The following MYL3 variants were observed in gnomAD, a reference collection of about 807,000 sequenced individuals.
The protein encoded by MYL3 is CMLC1.
A neutral mutation model predicts 21.3 loss-of-function variants in MYL3; 11 were observed. That is an observed-to-expected ratio of 0.52 (90% confidence interval 0.32 to 0.85). MYL3 has a LOEUF of 0.85. MYL3 is among the 40% of genes least tolerant of loss of function. The pLI is 0.03. For missense variants in MYL3, 206 were observed against 253.3 expected, an observed-to-expected ratio of 0.81 and a Z score of 1.27; for synonymous variants, 88 against 91.6, an observed-to-expected ratio of 0.96 and a Z score of 0.22.
intron 1 of MYL3, among the ~76,000 whole-genome samples, chr3:46,862,026 G>A (rs1183335819): frequency 1.3e-5 from 2 of 152,240 alleles, no homozygotes; most frequent in African/African-American, 2.4e-5. Context: ...AGCCTACTGA[G>A]ATTAGGGTCT....
intron 6 of MYL3, 27 bp from the exon 7 acceptor site, chr3:46,858,128 AGAG>A (rs1701949361): frequency 2.2e-6 from 3 of 1,339,464 alleles, no homozygotes; most frequent in Non-Finnish European, 3.2e-6. Flanking sequence ...TGCAGATTAC[AGAG>A]GAGGAGGGAG....
At chr3:46,868,308 A>G (rs1014935402), upstream of MYL3, among the ~76,000 whole-genome samples, 5 of 152,150 alleles carry the variant, frequency 3.3e-5, no homozygotes, top group African/African-American at 4.8e-5. Flanking sequence ...CTGTGATTCC[A>G]GGTTCAGAGG....
At position 46,860,894 on chromosome 3, in the gene MYL3, C is replaced by A; in HGVS notation, c.157+66G>T. On this transcript the variant is annotated intron_variant, in intron 2 of 6. Coordinates refer to ENST00000292327, the MANE Select transcript of MYL3 (RefSeq NM_000258.3). This position sits in a 1 kb window ranked among gnomAD's most constrained non-coding sequence, Gnocchi z 4.6. ...CCTACCCCACTCCCCACACCCCTGG[C>A]AGGACCCTCAGACCAGGGAACCCCA... 6.2e-7 allele frequency: 1 copy of A among 1,614,030 alleles called. No individual in the cohort carries two copies. The highest frequency in any genetic ancestry group is 2.2e-5 in the East Asian group (1 of 44,886).
In MYL3 at chr3:46,858,378, G is replaced by A. The variant is rs199474709; in HGVS notation, c.559+6C>T. On this transcript the variant is annotated splice_donor_region_variant and intron_variant, in intron 5 of 6. Transcript: ENST00000292327. ...CCCAGAAGACCCCTGCCCCTGCTGA[G>A]CCCACCTTCATAGTTGATGCAGCCA... is the stretch of plus-strand genomic sequence containing the variant. 1.3e-4 allele frequency: 209 copies of A among 1,614,130 alleles called. No homozygotes were observed. The African/African-American group carries it at 2.4e-3, about 19-fold the overall frequency.
chr3:46,863,497 A>C, upstream of MYL3: 1 of 1,251,078 alleles, frequency 8.0e-7, no homozygotes, highest in Middle Eastern at 1.9e-4. Context: ...TCATGACCCC[A>C]GCCCCACCCC....
chr3:46,864,271 G>C (rs1702026084), upstream of MYL3, among the ~76,000 whole-genome samples: 1 of 152,036 alleles, frequency 6.6e-6, no homozygotes, highest in Admixed American at 6.5e-5. This position sits in a 1 kb window ranked among gnomAD's most constrained non-coding sequence, Gnocchi z 4.7. Flanking sequence ...GGTCATGGCA[G>C]GCAGCTGTAG....
intron 1 of MYL3, among the ~76,000 whole-genome samples, chr3:46,869,842 G>A (rs910595489): frequency 2.6e-5 from 4 of 152,188 alleles, no homozygotes; most frequent in East Asian, 1.9e-4. Context: ...AAAAAAACCC[G>A]TCAGTCAGAC....
intron 1 of MYL3, among the ~76,000 whole-genome samples, chr3:46,871,374 C>T (rs767408471): frequency 7.2e-5 from 11 of 152,184 alleles, no homozygotes; most frequent in Middle Eastern, 6.8e-3. Flanking sequence ...GTAGCTGAGC[C>T]GGGAGGTCAG....
In MYL3 at chr3:46,879,188, C is replaced by T. The variant is rs552012365; in HGVS notation, c.-218+2886G>A. ...ACATGAGTTATGGCAGGAGGAATGCCCTTAAGGGACCCAGCACCCATCAGA... is the reference window on the plus strand; with the variant it reads ...ACATGAGTTATGGCAGGAGGAATGCTCTTAAGGGACCCAGCACCCATCAGA... On this transcript the variant is annotated intron_variant, in intron 1 of 3. Coordinates refer to the MYL3 transcript ENST00000431168. The surrounding 1 kb of genome is among the most constrained non-coding windows in gnomAD (Gnocchi z 4.7). 2.0e-4 allele frequency among the ~76,000 whole-genome samples: 31 copies of T among 152,180 alleles called. No homozygotes were observed. The highest frequency in any genetic ancestry group is 7.5e-4 in the African/African-American group (31 of 41,516).
rs2030134617 is a variant in MYL3 at position 46,874,990 on chromosome 3, G to C, written c.-218+7084C>G. 6.6e-6 allele frequency among the ~76,000 whole-genome samples: 1 copy of C among 152,214 alleles called. No homozygotes were observed. ...TCCCTCAGAGCTGCCCTTGGGAACAGCAGGGCTGGGGGTGGGTTTGGAGAG... is the reference window on the plus strand; with the variant it reads ...TCCCTCAGAGCTGCCCTTGGGAACACCAGGGCTGGGGGTGGGTTTGGAGAG... On this transcript the variant is annotated intron_variant, in intron 1 of 3. Coordinates refer to the MYL3 transcript ENST00000431168. The surrounding 1 kb of genome is among the most constrained non-coding windows in gnomAD (Gnocchi z 4.1).
At chr3:46,875,643 G>A (rs548593381) in intron 1 of MYL3, among the ~76,000 whole-genome samples, 1 of 152,276 alleles carries the variant, frequency 6.6e-6, no homozygotes, top group African/African-American at 2.4e-5. Context: ...AATGTGCATG[G>A]GGCAAGAACT....
At position 46,859,429 on chromosome 3, in the gene MYL3, G is replaced by C; in HGVS notation, c.481+46C>G. 1 of 1,612,598 alleles carries C rather than the reference G, an allele frequency of 6.2e-7. No homozygotes were observed. The highest frequency in any genetic ancestry group is 8.5e-7 in the Non-Finnish European group (1 of 1,179,342). On this transcript the variant is annotated intron_variant, in intron 4 of 6. Transcript: ENST00000292327. The surrounding 1 kb of genome is among the most constrained non-coding windows in gnomAD (Gnocchi z 4.1). ...GGGGGCAACAGAGTGGTTTCTCCCA[G>C]GATGTCCCTGGAAGGAGTTGGGGTA...
upstream of MYL3, among the ~76,000 whole-genome samples, chr3:46,868,388 G>A (rs1213244103): frequency 6.6e-6 from 1 of 152,136 alleles, no homozygotes; most frequent in African/African-American, 2.4e-5. Flanking sequence ...CTCTGTCCTC[G>A]AGCAGGCCAA....
At chr3:46,875,556 T>G (rs1172595450) in intron 1 of MYL3, among the ~76,000 whole-genome samples, 5 of 152,140 alleles carry the variant, frequency 3.3e-5, no homozygotes, top group African/African-American at 1.2e-4. Flanking sequence ...CTAAGAGAAA[T>G]CAGTTTTGAT....
At chr3:46,858,967 G>T (rs1701961810) in intron 4 of MYL3, among the ~76,000 whole-genome samples, 2 of 152,166 alleles carry the variant, frequency 1.3e-5, no homozygotes, top group South Asian at 2.1e-4. Context: ...AGAGAGAGGA[G>T]AGAGAGACCA....
Position 46,874,817 on chromosome 3 carries a change from T to C in MYL3, c.-218+7257A>G, listed in dbSNP as rs1287415112. 6.6e-6 allele frequency among the ~76,000 whole-genome samples: 1 copy of C among 152,096 alleles called. No individual in the cohort carries two copies. Among genetic ancestry groups the C allele is most frequent in the African/African-American group, 2.4e-5 (1 of 41,410 alleles). ...GAAATCACACTCTACCCAGAAGGCG[T>C]CTGGGAAACAGGACCCGCTTTGGAC... On this transcript the variant is annotated intron_variant, in intron 1 of 3. Coordinates refer to the MYL3 transcript ENST00000431168. The surrounding 1 kb of genome is among the most constrained non-coding windows in gnomAD (Gnocchi z 4.1).
Position 46,874,880 on chromosome 3 carries a change from G to A in MYL3, c.-218+7194C>T, listed in dbSNP as rs898148550. 6.6e-6 allele frequency among the ~76,000 whole-genome samples: 1 copy of A among 152,206 alleles called. No homozygotes were observed. Among genetic ancestry groups the A allele is most frequent in the African/African-American group, 2.4e-5 (1 of 41,442 alleles). On this transcript the variant is annotated intron_variant, in intron 1 of 3. Transcript: ENST00000431168. The surrounding 1 kb of genome is among the most constrained non-coding windows in gnomAD (Gnocchi z 4.1). ...TCCCCAGTGGCTGGCCAGGTTGCCC[G>A]GGCATGTGGGGGCACTGATGAAAGG...
intron 1 of MYL3, among the ~76,000 whole-genome samples, chr3:46,876,508 C>T (rs1488054350): frequency 6.6e-6 from 1 of 152,230 alleles, no homozygotes; most frequent in African/African-American, 2.4e-5. Context: ...GTCATAGTTT[C>T]ACTATGTCCC....
chr3:46,870,625 G>C (rs1364425318), intron 1 of MYL3, among the ~76,000 whole-genome samples: 3 of 152,108 alleles, frequency 2.0e-5, no homozygotes, highest in Non-Finnish European at 4.4e-5. Context: ...GAATAGTTAG[G>C]GTCAACTCTG....
Sources: gnomAD v4.1 joint callset for allele counts (sites outside exome capture counted in the v4.1 genomes callset) on GRCh38, gnomAD v4.1.1 for gene constraint, Gnocchi (gnomAD v3.1) non-coding constraint, MANE v1.5 for transcripts, NCBI Gene and HGNC (gene_info 2026-07-23, HGNC 2026-07-21) for gene names.